Variants in FGF14 observed in about 807,000 individuals in gnomAD.
FGF14 encodes the protein fibroblast growth factor homologous factor 4.
Under a neutral mutation model 25.5 loss-of-function variants are expected in FGF14, and 5 were observed. The observed-to-expected ratio is 0.20, with a 90% CI of 0.10 to 0.41. The LOEUF (loss-of-function observed/expected upper bound fraction) is 0.41, where lower values mean the gene tolerates loss of function less well. FGF14 is among the 10% of genes least tolerant of loss of function. The pLI is 1.00. For synonymous variants in FGF14, 138 were observed against 118.3 expected (o/e 1.17, Z -1.08); for missense variants, 222 against 320.1 (o/e 0.69, Z 2.34).
chr13:102,032,695 T>C, intron 1 of FGF14, among the ~76,000 whole-genome samples: 1 of 152,110 alleles, frequency 6.6e-6, no homozygotes, highest in East Asian at 1.9e-4. Flanking sequence ...GCAGGGGACA[T>C]ACACTATCAC....
At chr13:101,879,788 C>T (rs1490502998) in intron 1 of FGF14, among the ~76,000 whole-genome samples, 6 of 151,954 alleles carry the variant, frequency 3.9e-5, no homozygotes, top group Non-Finnish European at 1.5e-5. Context: ...GTAAAAACAA[C>T]TTTTGTAATG....
intron 1 of FGF14, among the ~76,000 whole-genome samples, chr13:102,244,940 G>GA (rs1379292221): frequency 2.6e-5 from 4 of 151,994 alleles, no homozygotes; most frequent in African/African-American, 4.8e-5. Flanking sequence ...TAAGGTAGTA[G>GA]AAAAAACATC....
intron 1 of FGF14, among the ~76,000 whole-genome samples, chr13:101,912,335 T>C (rs1294893065): frequency 6.6e-6 from 1 of 152,172 alleles, no homozygotes; most frequent in African/African-American, 2.4e-5. Flanking sequence ...GCTCTCATGA[T>C]CACAGCCCCA....
At position 101,841,778 on chromosome 13, in the gene FGF14, C is replaced by T. The variant is rs560312921; in HGVS notation, c.408+26947G>A. On this transcript the variant is annotated intron_variant, in intron 3 of 4. Transcript: ENST00000376143. ...TCAGTGTTCTCTTTGAATCATGCCT[C>T]AGATTTTCTGCTGGCCCAGTGTTTT... Among the ~76,000 whole-genome samples the T allele has an allele frequency of 5.3e-5, 8 of 152,022 alleles. 1 individual carries two copies. Among genetic ancestry groups the T allele is most frequent in the African/African-American group, 1.9e-4 (8 of 41,516 alleles).
chr13:102,087,575 C>CTTTTTTTTTTTT (rs1166446102), intron 1 of FGF14, among the ~76,000 whole-genome samples: 70 of 79,870 alleles, frequency 8.8e-4, no homozygotes, highest in African/African-American at 1.4e-3. Flanking sequence ...CCATGCCTGG[C>CTTTTTTTTTTTT]TTTTTTTTTT....
intron 3 of FGF14, among the ~76,000 whole-genome samples, chr13:101,858,229 T>TAAA (rs35915119): frequency 3.5e-5 from 5 of 141,212 alleles, no homozygotes; most frequent in African/African-American, 7.8e-5. Context: ...ATAATTATCT[T>TAAA]AAAAAAAAAA....
At chr13:101,939,504 T>G (rs1348298573) in intron 1 of FGF14, among the ~76,000 whole-genome samples, 1 of 152,188 alleles carries the variant, frequency 6.6e-6, no homozygotes, top group Non-Finnish European at 1.5e-5. Flanking sequence ...AACTCCTACC[T>G]TAAGTAAGGT....
At chr13:101,756,067 G>A (rs549339267) in intron 3 of FGF14, among the ~76,000 whole-genome samples, 3 of 152,212 alleles carry the variant, frequency 2.0e-5, no homozygotes, top group Non-Finnish European at 4.4e-5. Context: ...TTTAGTACGA[G>A]AGCACAGCAG....
chr13:101,947,673 T>G (rs911193485), intron 1 of FGF14, among the ~76,000 whole-genome samples: 2 of 152,036 alleles, frequency 1.3e-5, no homozygotes, highest in African/African-American at 4.8e-5. Flanking sequence ...CAACACACAG[T>G]GGGGACTACT....
At chr13:102,328,472 A>C (rs2138817090) in intron 1 of FGF14, among the ~76,000 whole-genome samples, 1 of 152,318 alleles carries the variant, frequency 6.6e-6, no homozygotes, top group Non-Finnish European at 1.5e-5. Context: ...TTCCCACATA[A>C]AGCACAGGTT....
At chr13:101,746,713 A>C (rs1278266291) in intron 3 of FGF14, among the ~76,000 whole-genome samples, 4 of 152,100 alleles carry the variant, frequency 2.6e-5, no homozygotes, top group African/African-American at 7.2e-5. Flanking sequence ...CAATGCCAGG[A>C]GTGTGCTTTA....
chr13:102,015,909 A>T (rs1306471491), intron 1 of FGF14, among the ~76,000 whole-genome samples: 2 of 152,140 alleles, frequency 1.3e-5, no homozygotes, highest in African/African-American at 2.4e-5. Context: ...GCTATCTATT[A>T]AAAAATTGCA....
chr13:102,400,077 T>G lies in FGF14; in HGVS notation c.208+1394A>C, dbSNP rs2058668171. Among the ~76,000 whole-genome samples the G allele has an allele frequency of 7.0e-6, 1 of 142,670 alleles. No individual in the cohort carries two copies. Among genetic ancestry groups the G allele is most frequent in the East Asian group, 2.5e-4 (1 of 4,004 alleles). 93.6% of individuals were successfully genotyped at this position (142,670 alleles called of 152,430 possible). A position where few individuals can be genotyped will look rare whatever the true frequency, so the allele number is the denominator to read the frequency against. On this transcript the variant is annotated intron_variant, in intron 1 of 4. Transcript: ENST00000376131. The surrounding 1 kb of genome is among the most constrained non-coding windows in gnomAD (Gnocchi z 4.3). ...CGCCCACCCGCACCTCCTCCTCCTC[T>G]GCCTCGCGCTGCACCCGCAGGCGGC... is the stretch of plus-strand genomic sequence containing the variant.
At chr13:102,353,950 A>C (rs2057358072) in intron 1 of FGF14, among the ~76,000 whole-genome samples, 1 of 152,110 alleles carries the variant, frequency 6.6e-6, no homozygotes, top group African/African-American at 2.4e-5. Flanking sequence ...GCCTACATTC[A>C]CCATGTCTGT....
chr13:101,825,673 CAAAT>C (rs1261351418), intron 3 of FGF14, among the ~76,000 whole-genome samples: 1 of 151,964 alleles, frequency 6.6e-6, no homozygotes, highest in African/African-American at 2.4e-5. Flanking sequence ...CATTATGTAT[CAAAT>C]AAAAAATAAA....
At chr13:102,151,858 A>G (rs979071072) in intron 1 of FGF14, among the ~76,000 whole-genome samples, 1 of 152,186 alleles carries the variant, frequency 6.6e-6, no homozygotes, top group African/African-American at 2.4e-5. Context: ...AGTAGATAAT[A>G]CTTACATAAT....
At chr13:102,067,948 C>T (rs1566643106) in intron 1 of FGF14, among the ~76,000 whole-genome samples, 3 of 152,088 alleles carry the variant, frequency 2.0e-5, no homozygotes, top group African/African-American at 7.2e-5. Flanking sequence ...AATAGCACTC[C>T]AATACGTCTG....
Position 102,011,580 on chromosome 13 carries a change from G to A in FGF14, c.209-136284C>T, listed in dbSNP as rs190647713. On this transcript the variant is annotated intron_variant, in intron 1 of 4. Transcript: ENST00000376131. ...CCTTTTGGAAGATGCTTTGCCATAC[G>A]CAGGAGTATGAAGCTTATCCATAGC... 1.9e-4 allele frequency among the ~76,000 whole-genome samples: 29 copies of A among 151,752 alleles called. No homozygotes were observed. The East Asian group carries it at 2.9e-3, about 15-fold the overall frequency.
intron 1 of FGF14, among the ~76,000 whole-genome samples, chr13:102,120,720 T>C (rs1324738238): frequency 1.2e-4 from 15 of 126,764 alleles, no homozygotes; most frequent in East Asian, 5.0e-4. Flanking sequence ...TTTTTTTTTT[T>C]CGAGACAGAG....
Sources: gnomAD v4.1 joint callset for allele counts (sites outside exome capture counted in the v4.1 genomes callset) on GRCh38, gnomAD v4.1.1 for gene constraint, Gnocchi (gnomAD v3.1) non-coding constraint, MANE v1.5 for transcripts, NCBI Gene and HGNC (gene_info 2026-07-23, HGNC 2026-07-21) for gene names.